The following KCNAB2 variants were observed in gnomAD, a reference collection of about 807,000 sequenced individuals.
KCNAB2 encodes the protein voltage-gated potassium channel subunit beta-2.
A neutral mutation model predicts 63.6 loss-of-function variants in KCNAB2; 29 were observed. The ratio of observed to expected loss-of-function variants is 0.46; its 90% confidence interval spans 0.34 to 0.62. The LOEUF is 0.62. KCNAB2 is among the 20% of genes least tolerant of loss of function. The pLI, the probability that KCNAB2 is intolerant of heterozygous loss-of-function variation, is 0.01. For synonymous variants in KCNAB2, 222 were observed against 224.2 expected (o/e 0.99, Z 0.09); for missense variants, 359 against 563.9 (o/e 0.64, Z 3.68).
At chr1:6,097,666 G>A (rs1665763082) in intron 15 of KCNAB2, 2 of 569,040 alleles carry the variant, frequency 3.5e-6, no homozygotes, top group African/African-American at 3.7e-5. Flanking sequence ...AAGGGGGCCT[G>A]TCAGGTGGGC....
chr1:6,100,028 G>A lies in KCNAB2; in HGVS notation c.*1454G>A. The A allele has an allele frequency of 2.6e-6, 4 of 1,525,708 alleles. No homozygotes were observed. The highest frequency in any genetic ancestry group is 3.5e-6 in the Non-Finnish European group (4 of 1,134,278). The allele number at this position is 1,525,708 out of a possible 1,614,324, so 94.5% of individuals were successfully genotyped here. The stretch of plus-strand genomic sequence containing the variant: ...ACCCCTCGCCAGCTAGCTCCATAGG[G>A]AAGCCTGTGTCTCCTGCCCCCAGGG... On this transcript the variant is annotated 3_prime_UTR_variant, in exon 16 of 16. Coordinates refer to ENST00000378083, the MANE Select transcript of KCNAB2 (RefSeq NM_001199862.2).
intron 1 of KCNAB2, among the ~76,000 whole-genome samples, chr1:6,029,234 G>C (rs1359357438): frequency 6.8e-6 from 1 of 146,246 alleles, no homozygotes; most frequent in Non-Finnish European, 1.5e-5. Flanking sequence ...AGTGAGCCGA[G>C]ATCGCGCCAT....
Position 6,040,668 on chromosome 1 carries a change from AG to A in KCNAB2, c.77+25del, listed in dbSNP as rs774613467. The A allele has an allele frequency of 2.0e-5, 30 of 1,466,480 alleles. No homozygotes were observed. In the East Asian group the frequency reaches 6.3e-4, roughly 31 times the overall value. 90.8% of individuals were successfully genotyped at this position (1,466,480 alleles called of 1,614,324 possible). On this transcript the variant is annotated intron_variant, in intron 2 of 15. Coordinates refer to the KCNAB2 transcript ENST00000164247. ...CAGGTGACCCCCTGCCCCCTCACCCAGGCCCCCTCCCAGGGTCAGTCCTGCT... is the reference window on the plus strand; with the variant it reads ...CAGGTGACCCCCTGCCCCCTCACCCAGCCCCCTCCCAGGGTCAGTCCTGCT...
chr1:6,057,198 G>A (rs992636775), intron 2 of KCNAB2, among the ~76,000 whole-genome samples: 3 of 151,650 alleles, frequency 2.0e-5, no homozygotes, highest in Admixed American at 6.6e-5. Flanking sequence ...GAGCCTCTGC[G>A]GTCCTTGGGC....
intron 2 of KCNAB2, among the ~76,000 whole-genome samples, chr1:6,053,887 C>A (rs1030092277): frequency 2.6e-5 from 4 of 151,220 alleles, no homozygotes; most frequent in Admixed American, 1.3e-4. Flanking sequence ...TAAATACAAT[C>A]AAAAAATTAG....
At chr1:6,061,550 G>C (rs901854544) in intron 2 of KCNAB2, among the ~76,000 whole-genome samples, 24 of 152,168 alleles carry the variant, frequency 1.6e-4, no homozygotes, top group African/African-American at 5.8e-4. Flanking sequence ...CTCTGTCATG[G>C]GGCAGCATCC....
intron 10 of KCNAB2, among the ~76,000 whole-genome samples, 174 bp downstream of exon 10, chr1:6,091,481 G>A (rs1665180481): frequency 6.6e-6 from 1 of 152,130 alleles, no homozygotes; most frequent in African/African-American, 2.4e-5. Context: ...AAGCAAAGTG[G>A]TGTTGGAGCC....
Position 6,086,203 on chromosome 1 carries a change from C to T in KCNAB2, c.425+955C>T. 1.0e-6 allele frequency: 1 copy of T among 985,356 alleles called. No homozygotes were observed. 61.0% of individuals were successfully genotyped at this position (985,356 alleles called of 1,614,324 possible). A position where few individuals can be genotyped will look rare whatever the true frequency, so the allele number is the denominator to read the frequency against. ...AAGTTGGGCCTCCCTCCTCCCTCCC[C>T]TCGAAATGCCACTCAGAATCCCAGT... On this transcript the variant is annotated intron_variant, in intron 6 of 15. Coordinates refer to ENST00000378083, the MANE Select transcript of KCNAB2 (RefSeq NM_001199862.2). This position sits in a 1 kb window ranked among gnomAD's most constrained non-coding sequence, Gnocchi z 4.2.
In KCNAB2 at chr1:6,035,602, C is replaced by T. The variant is rs1570915768; in HGVS notation, c.-53+808C>T. Among the ~76,000 whole-genome samples the T allele has an allele frequency of 6.6e-6, 1 of 151,832 alleles. No homozygotes were observed. The highest frequency in any genetic ancestry group is 2.4e-5 in the African/African-American group (1 of 41,310). ...CTGACACCTGGGAGGGTGGGGAGCT[C>T]GTTACTCATCTGGGGCCACCCTGGG... On this transcript the variant is annotated intron_variant, in intron 1 of 15. Coordinates refer to the KCNAB2 transcript ENST00000164247. The surrounding 1 kb of genome is among the most constrained non-coding windows in gnomAD (Gnocchi z 5.0).
At chr1:5,997,813 C>T (rs1369727951) in intron 1 of KCNAB2, among the ~76,000 whole-genome samples, 4 of 152,068 alleles carry the variant, frequency 2.6e-5, no homozygotes, top group Admixed American at 6.5e-5. Context: ...AGATTCAGCT[C>T]GATCTATTCA....
At chr1:6,001,516 C>G (rs1034315268) in intron 1 of KCNAB2, among the ~76,000 whole-genome samples, 1 of 152,192 alleles carries the variant, frequency 6.6e-6, no homozygotes, top group African/African-American at 2.4e-5. Context: ...GTGGCCTGGC[C>G]ACCTGCTGGG....
chr1:6,042,034 A>T (rs756426884), upstream of KCNAB2, among the ~76,000 whole-genome samples: 7 of 151,880 alleles, frequency 4.6e-5, no homozygotes, highest in African/African-American at 9.7e-5. Context: ...TACCCACAGG[A>T]TGCTGTGCAA....
At chr1:6,064,434 TC>T (rs1293972049) in intron 2 of KCNAB2, among the ~76,000 whole-genome samples, 1 of 152,150 alleles carries the variant, frequency 6.6e-6, no homozygotes, top group African/African-American at 2.4e-5. Context: ...GTTGAAAAAT[TC>T]TGTTAGATAG....
Position 6,099,655 on chromosome 1 carries a change from G to C in KCNAB2, c.*1081G>C. 8.7e-7 allele frequency: 1 copy of C among 1,150,626 alleles called. No individual in the cohort carries two copies. 71.3% of individuals were successfully genotyped at this position (1,150,626 alleles called of 1,614,324 possible). A position where few individuals can be genotyped will look rare whatever the true frequency, so the allele number is the denominator to read the frequency against. ...TTGGGTTTTGTGGAGCGCATGCTTG[G>C]ACCCTTTCAGTAAGGAAGGGTCTTT... On this transcript the variant is annotated 3_prime_UTR_variant, in exon 16 of 16. Coordinates refer to ENST00000378083, the MANE Select transcript of KCNAB2 (RefSeq NM_001199862.2).
intron 1 of KCNAB2, among the ~76,000 whole-genome samples, chr1:6,015,344 T>G (rs879144892): frequency 1.3e-5 from 2 of 152,206 alleles, no homozygotes; most frequent in Admixed American, 6.5e-5. Context: ...CTTCCTTTTT[T>G]AATGTGTCAG....
Position 6,098,979 on chromosome 1 carries a change from C to T in KCNAB2, c.*405C>T. 1 of 168,158 alleles carries T rather than the reference C, an allele frequency of 5.9e-6. No homozygotes were observed. The highest frequency in any genetic ancestry group is 1.5e-4 in the South Asian group (1 of 6,608). 10.4% of individuals were successfully genotyped at this position (168,158 alleles called of 1,614,324 possible). ...CTTGGGGCGGGCAGGGCCAGCCTCT[C>T]CTCTGCTGAGAATCCCCACTTGGTG... On this transcript the variant is annotated 3_prime_UTR_variant, in exon 16 of 16. Transcript: ENST00000378083.
At chr1:6,019,898 C>T (rs937986717) in intron 1 of KCNAB2, among the ~76,000 whole-genome samples, 5 of 152,332 alleles carry the variant, frequency 3.3e-5, no homozygotes, top group African/African-American at 9.6e-5. Context: ...GGACTCACTT[C>T]GTTGTCAATC....
intron 1 of KCNAB2, among the ~76,000 whole-genome samples, chr1:6,022,651 C>T (rs1292827218): frequency 2.0e-5 from 3 of 152,138 alleles, no homozygotes; most frequent in Non-Finnish European, 4.4e-5. Flanking sequence ...TCCCATTCCC[C>T]CTCCCCTGCC....
upstream of KCNAB2, chr1:6,041,905 G>A (rs374248043): frequency 1.4e-5 from 23 of 1,608,076 alleles, no homozygotes; most frequent in Middle Eastern, 1.7e-4. Context: ...AAAACCCAGC[G>A]AGCCGAAGGC....
Sources: allele counts gnomAD v4.1 joint callset (sites outside exome capture counted in the v4.1 genomes callset), GRCh38; gene constraint gnomAD v4.1.1; non-coding constraint Gnocchi (gnomAD v3.1); transcripts MANE v1.5; gene names NCBI Gene and HGNC (gene_info 2026-07-23, HGNC 2026-07-21).